TXK: variants seen among roughly 807,000 people sequenced by gnomAD.
TXK encodes tyrosine-protein kinase TXK.
In TXK, 60 loss-of-function variants were observed where a neutral mutation model predicts 81.0. That is an observed-to-expected ratio of 0.74 (90% confidence interval 0.60 to 0.92). TXK has a LOEUF of 0.92. TXK is among the 40% of genes least tolerant of loss of function. TXK has a pLI of 0.00. For synonymous variants in TXK, 203 were observed against 210.7 expected (o/e 0.96, Z 0.32); for missense variants, 581 against 638.3 (o/e 0.91, Z 0.97).
At chr4:48,094,570 C>T (rs114583304) in intron 7 of TXK, among the ~76,000 whole-genome samples, 17 of 152,274 alleles carry the variant, frequency 1.1e-4, no homozygotes, top group Non-Finnish European at 1.6e-4. Context: ...AAAACCAATG[C>T]CAGGTGCATT....
At chr4:48,074,678 AT>A (rs1424810739) in intron 12 of TXK, among the ~76,000 whole-genome samples, 2 of 152,130 alleles carry the variant, frequency 1.3e-5, no homozygotes, top group Non-Finnish European at 2.9e-5. Flanking sequence ...GGATGTCCAA[AT>A]GTCAGACACT....
intron 1 of TXK, among the ~76,000 whole-genome samples, chr4:48,120,704 T>C (rs1447188780): frequency 6.6e-6 from 1 of 152,150 alleles, no homozygotes; most frequent in Non-Finnish European, 1.5e-5. Flanking sequence ...TTGGCTAGGC[T>C]GGTCTCAAAC....
chr4:48,102,501 A>C (rs960294551), intron 6 of TXK, among the ~76,000 whole-genome samples: 1 of 152,252 alleles, frequency 6.6e-6, no homozygotes, highest in Non-Finnish European at 1.5e-5. Flanking sequence ...ACCTGCTGGC[A>C]AGAATGTTGG....
intron 4 of TXK, among the ~76,000 whole-genome samples, chr4:48,110,911 C>G (rs1718613865): frequency 6.6e-6 from 1 of 152,214 alleles, no homozygotes; most frequent in South Asian, 2.1e-4. Context: ...GTTAAAAACA[C>G]AGCAATTACA....
Position 48,095,239 on chromosome 4 carries a change from T to G in TXK, c.502-17A>C, listed in dbSNP as rs373523535. On this transcript the variant is annotated splice_polypyrimidine_tract_variant and intron_variant, in intron 6 of 14. Transcript: ENST00000264316. The stretch of plus-strand genomic sequence containing the variant: ...TTCTTTAGACTGCAAAAAAAATCAT[T>G]TATTGAATAAGTCTATTCCTTCTTA... 35 of 1,596,040 alleles carry G rather than the reference T, an allele frequency of 2.2e-5. No individual in the cohort carries two copies. In the African/African-American group the frequency reaches 3.9e-4, roughly 18 times the overall value.
At chr4:48,072,702 T>C (rs576860500) in intron 13 of TXK, among the ~76,000 whole-genome samples, 4 of 152,342 alleles carry the variant, frequency 2.6e-5, no homozygotes, top group African/African-American at 9.6e-5. Context: ...AGGAGCTCAC[T>C]GTTCAGTGAG....
chr4:48,105,107 T>G, intron 5 of TXK, 152 bp from the exon 6 acceptor site: 1 of 530,266 alleles, frequency 1.9e-6, no homozygotes, highest in East Asian at 3.3e-5. Flanking sequence ...AATATACTAT[T>G]GTGGGTTAAT....
intron 10 of TXK, among the ~76,000 whole-genome samples, chr4:48,085,763 C>A (rs34184567): frequency 1.3e-5 from 2 of 152,088 alleles, no homozygotes; most frequent in Admixed American, 1.3e-4. Context: ...GAGACGAGAT[C>A]GGCTGCAGGA....
chr4:48,072,083 A>C (rs1716884341), intron 13 of TXK, among the ~76,000 whole-genome samples: 1 of 151,314 alleles, frequency 6.6e-6, no homozygotes, highest in African/African-American at 2.4e-5. Flanking sequence ...AGCTCACTGC[A>C]ACCTCTGTCT....
In TXK at chr4:48,089,819, T is replaced by C. The variant is rs570769288; in HGVS notation, c.715A>G (p.Met239Val). The change falls in exon 9 of 15, where the codon ATG becomes GTG. Residue 239 changes from methionine to valine, a missense_variant. Transcript: ENST00000264316. ...CCAACTGGATATCGGAGACGAGTCA[T>C]GAGACCTAAGGAGAAAGAGAAATCA... ...WYHQHNAAGL[M>V]TRLRYPVGLM... 15 of 1,612,234 alleles carry C rather than the reference T, an allele frequency of 9.3e-6. No homozygotes were observed. In the African/African-American group the frequency reaches 9.4e-5, roughly 10 times the overall value.
intron 1 of TXK, among the ~76,000 whole-genome samples, chr4:48,115,113 A>G (rs984678541): frequency 1.3e-5 from 2 of 151,926 alleles, no homozygotes; most frequent in African/African-American, 4.8e-5. Flanking sequence ...TATATGTGCC[A>G]TGGTAGTTTG....
intron 10 of TXK, among the ~76,000 whole-genome samples, chr4:48,084,789 G>C (rs1717447432): frequency 7.0e-6 from 1 of 143,718 alleles, no homozygotes; most frequent in African/African-American, 2.5e-5. Context: ...TATGGGTTGA[G>C]AGCCCCAAGG....
At chr4:48,127,167 G>T (rs1386659695) in intron 1 of TXK, among the ~76,000 whole-genome samples, 1 of 152,192 alleles carries the variant, frequency 6.6e-6, no homozygotes, top group Non-Finnish European at 1.5e-5. Context: ...CAGCAGAGTT[G>T]CTGCCCAATA....
chr4:48,125,865 A>G (rs940563694), intron 1 of TXK, among the ~76,000 whole-genome samples: 2 of 152,252 alleles, frequency 1.3e-5, no homozygotes, highest in African/African-American at 4.8e-5. Flanking sequence ...GTCTGCTGGC[A>G]AAAGTCCTCC....
intron 14 of TXK, among the ~76,000 whole-genome samples, chr4:48,070,388 A>C (rs1334245745): frequency 6.6e-6 from 1 of 152,194 alleles, no homozygotes; most frequent in Non-Finnish European, 1.5e-5. Flanking sequence ...ATTCTAGTTT[A>C]ATCTGTAGCA....
chr4:48,090,232 A>C (rs1191417189), intron 8 of TXK, among the ~76,000 whole-genome samples: 1 of 152,262 alleles, frequency 6.6e-6, no homozygotes, highest in Non-Finnish European at 1.5e-5. Context: ...GACTATAAAC[A>C]GAGCTTAAAT....
At chr4:48,098,051 G>T (rs1332824070) in intron 6 of TXK, among the ~76,000 whole-genome samples, 2 of 151,996 alleles carry the variant, frequency 1.3e-5, no homozygotes, top group Non-Finnish European at 2.9e-5. Flanking sequence ...CCGGCCAAAA[G>T]CTCCCACATT....
rs769412308 is a variant in TXK at position 48,104,945 on chromosome 4, T to C, written c.457A>G (p.Arg153Gly). ...TCTGCCTGATTTCTGGTAATGTTTC[T>C]ATGGTACCACCTGTAAAAGCAATAA... is the stretch of plus-strand genomic sequence containing the variant. ...TNLEIYEWYH[R>G]NITRNQAEHL... The change falls in exon 6 of 15, where the codon AGA becomes GGA. Residue 153 changes from arginine (R) to glycine (G), a missense_variant. Arg to Gly is a moderately radical substitution (Grantham distance 125, BLOSUM62 -2). Coordinates refer to ENST00000264316, the MANE Select transcript of TXK (RefSeq NM_003328.3). The C allele has an allele frequency of 6.3e-7, 1 of 1,591,202 alleles. No homozygotes were observed. The highest frequency in any genetic ancestry group is 8.6e-7 in the Non-Finnish European group (1 of 1,168,858).
chr4:48,110,737 G>GA, intron 4 of TXK, 134 bp from the exon 5 acceptor site: 6 of 672,350 alleles, frequency 8.9e-6, no homozygotes, highest in South Asian at 2.1e-5. Flanking sequence ...GTTAAAAGGA[G>GA]AAAAAAAAGT....
Sources: gnomAD v4.1 joint callset for allele counts (sites outside exome capture counted in the v4.1 genomes callset) on GRCh38, gnomAD v4.1.1 for gene constraint, MANE v1.5 for transcripts, NCBI Gene and HGNC (gene_info 2026-07-23, HGNC 2026-07-21) for gene names.